RAB11FIP4: variants seen among roughly 807,000 people sequenced by gnomAD.
RAB11FIP4 encodes the protein rab11 family-interacting protein 4.
RAB11FIP4 carries 23 observed loss-of-function variants against 74.3 expected under a neutral mutation model. The ratio of observed to expected loss-of-function variants is 0.31; its 90% CI spans 0.22 to 0.44. The LOEUF is 0.44. Among genes scored for constraint, RAB11FIP4 ranks in the 20% least tolerant of loss-of-function variants. The pLI is 1.00. For synonymous variants in RAB11FIP4, 360 were observed against 359.9 expected (o/e 1.00, Z 0.00); for missense variants, 630 against 863.9 (o/e 0.73, Z 3.39).
chr17:31,528,303 A>G, intron 11 of RAB11FIP4, 103 bp from the exon 12 acceptor site: 1 of 1,348,002 alleles, frequency 7.4e-7, no homozygotes, highest in East Asian at 2.3e-5. Flanking sequence ...TTCACTGTGC[A>G]TCTGCCTCGT....
At chr17:31,477,996 CTT>C (rs35308777) in intron 3 of RAB11FIP4, among the ~76,000 whole-genome samples, 50 of 132,548 alleles carry the variant, frequency 3.8e-4, no homozygotes, top group African/African-American at 9.9e-4. Flanking sequence ...GCTGTTAATA[CTT>C]TTTTTTTTTT....
At chr17:31,415,756 C>T (rs926339505) in intron 1 of RAB11FIP4, among the ~76,000 whole-genome samples, 1 of 152,034 alleles carries the variant, frequency 6.6e-6, no homozygotes, top group Non-Finnish European at 1.5e-5. Context: ...GCACAGCATC[C>T]CTGAGATTCT....
chr17:31,425,088 T>A (rs751347750), intron 1 of RAB11FIP4, among the ~76,000 whole-genome samples: 34 of 152,244 alleles, frequency 2.2e-4, no homozygotes, highest in Middle Eastern at 3.2e-3. Flanking sequence ...AGGCCTCTTG[T>A]GTTCAGCCGT....
intron 10 of RAB11FIP4, chr17:31,526,301 G>C (rs2072765992): frequency 6.6e-6 from 1 of 152,232 alleles, no homozygotes; most frequent in Admixed American, 6.5e-5. Flanking sequence ...ACAGGACAAA[G>C]TGCAGAAAGC....
intron 1 of RAB11FIP4, among the ~76,000 whole-genome samples, chr17:31,399,645 G>A (rs1459086597): frequency 2.6e-5 from 4 of 152,118 alleles, no homozygotes; most frequent in South Asian, 2.1e-4. Flanking sequence ...CCCGGGAGGC[G>A]GAGGTTGCAG....
intron 3 of RAB11FIP4, among the ~76,000 whole-genome samples, chr17:31,434,689 C>G (rs2071341707): frequency 6.6e-6 from 1 of 152,158 alleles, no homozygotes; most frequent in South Asian, 2.1e-4. Context: ...CTGGGTAATT[C>G]ACTGGAAACA....
chr17:31,505,520 T>A (rs1296854090), intron 3 of RAB11FIP4, among the ~76,000 whole-genome samples: 1 of 60,350 alleles, frequency 1.7e-5, no homozygotes, highest in Non-Finnish European at 3.4e-5. Context: ...ATAATAATTA[T>A]ATATTATATA....
chr17:31,448,013 T>C (rs2071484882), intron 3 of RAB11FIP4, among the ~76,000 whole-genome samples: 1 of 151,830 alleles, frequency 6.6e-6, no homozygotes, highest in African/African-American at 2.4e-5. Flanking sequence ...GGTCTCACTA[T>C]GTTACCCTGG....
chr17:31,404,308 G>T (rs112359423), intron 1 of RAB11FIP4, among the ~76,000 whole-genome samples: 1 of 152,168 alleles, frequency 6.6e-6, no homozygotes, highest in South Asian at 2.1e-4. Flanking sequence ...CCTGCTCTCC[G>T]CCCCGTCCCC....
chr17:31,524,412 G>A (rs1567692538), intron 9 of RAB11FIP4: 1 of 195,458 alleles, frequency 5.1e-6, no homozygotes, highest in Non-Finnish European at 1.1e-5. Context: ...CCCTGAGCCT[G>A]CCGTTCCTGA....
chr17:31,465,699 GTTGCCTGAGGAGGGGTGAACAAGCC>G (rs1274095595), intron 3 of RAB11FIP4: 63 of 152,246 alleles, frequency 4.1e-4, no homozygotes, highest in African/African-American at 1.4e-3. Flanking sequence ...GGACCACAGT[GTTGCCTGAGGAGGGGTGAACAAGCC>G]CAGGTCAAAA....
intron 3 of RAB11FIP4, among the ~76,000 whole-genome samples, chr17:31,479,083 C>T (rs1370194212): frequency 6.6e-6 from 1 of 152,216 alleles, no homozygotes; most frequent in Non-Finnish European, 1.5e-5. Context: ...TCTTGAGCCT[C>T]AGTTTCCTTA....
Position 31,391,707 on chromosome 17 carries a change from A to T in RAB11FIP4, c.-146A>T, listed in dbSNP as rs889639048. Reference sequence around the variant, plus strand: ...CTGGGGCTGCGGCGCCGCTGCTGACACGGATCGGCCGCGGCCGCCACCGGG... The same window carrying T: ...CTGGGGCTGCGGCGCCGCTGCTGACTCGGATCGGCCGCGGCCGCCACCGGG... On this transcript the variant is annotated 5_prime_UTR_variant, in exon 1 of 15. Coordinates refer to ENST00000621161, the MANE Select transcript of RAB11FIP4 (RefSeq NM_032932.6). 1.2e-5 allele frequency: 6 copies of T among 480,554 alleles called. No individual in the cohort carries two copies. Among genetic ancestry groups the T allele is most frequent in the African/African-American group, 1.1e-4 (5 of 45,244 alleles). 29.8% of individuals were successfully genotyped at this position (480,554 alleles called of 1,614,324 possible).
intron 3 of RAB11FIP4, among the ~76,000 whole-genome samples, chr17:31,464,059 C>A (rs995192455): frequency 2.6e-5 from 4 of 151,948 alleles, no homozygotes; most frequent in African/African-American, 9.7e-5. Context: ...GGTCATCCGC[C>A]CACCCCATTC....
rs187901365 is a variant in RAB11FIP4 at position 31,403,791 on chromosome 17, T to G, written c.159+11780T>G. On this transcript the variant is annotated intron_variant, in intron 1 of 14. Transcript: ENST00000621161. ...TTCCTGCTGTGGGGGTCTCATGTTC[T>G]TAGAAGGTCAGAGGAGGGAGAGAGT... is the stretch of plus-strand genomic sequence containing the variant. Among the ~76,000 whole-genome samples the G allele has an allele frequency of 6.6e-5, 10 of 152,324 alleles. No individual in the cohort carries two copies. In the East Asian group the frequency reaches 1.5e-3, roughly 23 times the overall value.
intron 3 of RAB11FIP4, among the ~76,000 whole-genome samples, chr17:31,514,034 G>C (rs1271758268): frequency 6.6e-6 from 1 of 152,262 alleles, no homozygotes; most frequent in Admixed American, 6.5e-5. Flanking sequence ...GCTTGCTGAA[G>C]GGCTGGGCAG....
chr17:31,481,086 G>T (rs1359302618), intron 3 of RAB11FIP4, among the ~76,000 whole-genome samples: 1 of 152,082 alleles, frequency 6.6e-6, no homozygotes, highest in East Asian at 1.9e-4. Flanking sequence ...AGGAATGAAT[G>T]AAAGAATGAA....
chr17:31,469,836 C>T (rs947657028), intron 3 of RAB11FIP4, among the ~76,000 whole-genome samples: 10 of 152,170 alleles, frequency 6.6e-5, no homozygotes, highest in Admixed American at 4.6e-4. Flanking sequence ...AACCGTTTGG[C>T]GGTCCAACTA....
intron 3 of RAB11FIP4, among the ~76,000 whole-genome samples, chr17:31,473,647 C>A (rs537244257): frequency 1.3e-5 from 2 of 152,198 alleles, no homozygotes; most frequent in African/African-American, 4.8e-5. Flanking sequence ...GCGGTCAGCT[C>A]GGCCAGGCTG....
Sources: gnomAD v4.1 joint callset for allele counts (sites outside exome capture counted in the v4.1 genomes callset) on GRCh38, gnomAD v4.1.1 for gene constraint, MANE v1.5 for transcripts, NCBI Gene and HGNC (gene_info 2026-07-23, HGNC 2026-07-21) for gene names.